The following STXBP5L variants were observed in gnomAD, a reference collection of about 807,000 sequenced individuals.
The protein encoded by STXBP5L is syntaxin-binding protein 5-like.
In STXBP5L, 65 loss-of-function variants were observed where a neutral mutation model predicts 144.5. The observed-to-expected ratio is 0.45, with a 90% CI of 0.37 to 0.55. STXBP5L has a LOEUF of 0.55. Among genes scored for constraint, STXBP5L ranks in the 20% least tolerant of loss-of-function variants. The pLI is 0.00. For synonymous variants in STXBP5L, 505 were observed against 469.6 expected (o/e 1.08, Z -0.97); for missense variants, 1,298 against 1,405.5 (o/e 0.92, Z 1.22).
intron 20 of STXBP5L, among the ~76,000 whole-genome samples, chr3:121,349,117 A>C (rs949513205): frequency 1.3e-5 from 2 of 152,052 alleles, no homozygotes; most frequent in Admixed American, 1.3e-4. Context: ...TTCCCTCTAC[A>C]CACTGCTTTA....
chr3:121,005,162 C>T (rs1241927997), intron 3 of STXBP5L, among the ~76,000 whole-genome samples: 6 of 152,116 alleles, frequency 3.9e-5, no homozygotes, highest in Admixed American at 2.0e-4. Flanking sequence ...TAGAATTTGG[C>T]TGTGAATCCA....
intron 5 of STXBP5L, among the ~76,000 whole-genome samples, chr3:121,070,792 G>A (rs930564251): frequency 6.6e-6 from 1 of 152,144 alleles, no homozygotes; most frequent in Non-Finnish European, 1.5e-5. Context: ...AAAATATATG[G>A]AGACAGGCCT....
chr3:121,343,774 C>T (rs568607931), intron 20 of STXBP5L, among the ~76,000 whole-genome samples: 10 of 152,246 alleles, frequency 6.6e-5, no homozygotes, highest in African/African-American at 2.2e-4. Flanking sequence ...GAAGAACATT[C>T]CATGCTCATG....
intron 3 of STXBP5L, among the ~76,000 whole-genome samples, chr3:121,022,585 G>T (rs953365385): frequency 2.0e-5 from 3 of 152,068 alleles, no homozygotes; most frequent in African/African-American, 4.8e-5. Flanking sequence ...TTCATACCAG[G>T]GATGCAGGCA....
chr3:121,242,617 T>A lies in STXBP5L; in HGVS notation c.1400+2110T>A, dbSNP rs143467110. 4.2e-3 allele frequency among the ~76,000 whole-genome samples: 635 copies of A among 152,160 alleles called. 2 individuals carry two copies. Among genetic ancestry groups the A allele is most frequent in the African/African-American group, 0.014 (597 of 41,530 alleles). The stretch of plus-strand genomic sequence containing the variant: ...AAACAGAAAAAATTATATGGTATAC[T>A]GAAGCCCTAATATATCAATAATTAT... On this transcript the variant is annotated intron_variant, in intron 14 of 26. Coordinates refer to ENST00000471454, the MANE Select transcript of STXBP5L (RefSeq NM_001308330.2).
intron 9 of STXBP5L, chr3:121,157,959 A>C (rs944694418): frequency 4.6e-6 from 1 of 215,114 alleles, no homozygotes; most frequent in East Asian, 1.5e-4. Flanking sequence ...CCAGTGAGAG[A>C]ATGGCACTAT....
chr3:121,065,159 G>A (rs955863376), intron 5 of STXBP5L, among the ~76,000 whole-genome samples: 1 of 151,992 alleles, frequency 6.6e-6, no homozygotes, highest in East Asian at 1.9e-4. Context: ...CACTTGGGTT[G>A]ATTCCATGTC....
rs759108072 is a variant in STXBP5L, at chr3:121,419,147, A to G, written c.*50A>G. The G allele has an allele frequency of 2.2e-5, 34 of 1,567,626 alleles. No individual in the cohort carries two copies. Among genetic ancestry groups the G allele is most frequent in the Non-Finnish European group, 2.5e-5 (29 of 1,148,318 alleles). On this transcript the variant is annotated 3_prime_UTR_variant, in exon 27 of 27. Transcript: ENST00000471454. ...TGAGAAACCATATTCAGGGAAACCA[A>G]ATTTATTCCCAGCATCACTACTCAA...
chr3:121,195,403 A>G (rs528366194), intron 9 of STXBP5L, among the ~76,000 whole-genome samples: 9 of 152,254 alleles, frequency 5.9e-5, no homozygotes, highest in African/African-American at 1.7e-4. Flanking sequence ...ATTAACATCC[A>G]TCGCGTCACA....
chr3:121,158,298 A>G (rs1454669926), intron 9 of STXBP5L: 3 of 152,288 alleles, frequency 2.0e-5, no homozygotes, highest in Admixed American at 1.3e-4. Flanking sequence ...TTTACCTCAT[A>G]TCATTGATTA....
intron 5 of STXBP5L, among the ~76,000 whole-genome samples, chr3:121,066,415 G>T (rs1358101243): frequency 6.6e-6 from 1 of 150,460 alleles, no homozygotes; most frequent in Non-Finnish European, 1.5e-5. Context: ...TTTAAATCAT[G>T]AATGGGTGTT....
At chr3:121,280,704 A>G (rs192567737) in intron 19 of STXBP5L, among the ~76,000 whole-genome samples, 1 of 152,014 alleles carries the variant, frequency 6.6e-6, no homozygotes, top group East Asian at 1.9e-4. Context: ...TCCAGTTGGT[A>G]AAAGAAAATT....
At chr3:121,231,070 C>T (rs2049292269) in intron 11 of STXBP5L, among the ~76,000 whole-genome samples, 1 of 152,146 alleles carries the variant, frequency 6.6e-6, no homozygotes, top group South Asian at 2.1e-4. Context: ...TAATGGGCAG[C>T]TTCTTTCTCT....
chr3:120,988,909 A>G (rs994697991), intron 3 of STXBP5L, among the ~76,000 whole-genome samples: 6 of 152,102 alleles, frequency 3.9e-5, no homozygotes, highest in East Asian at 1.9e-4. Flanking sequence ...AAGTGAGAAC[A>G]TGTGATATTT....
At chr3:120,962,899 A>G (rs556931844) in intron 3 of STXBP5L, among the ~76,000 whole-genome samples, 5 of 152,170 alleles carry the variant, frequency 3.3e-5, no homozygotes, top group Non-Finnish European at 5.9e-5. Context: ...GATTCTTCCT[A>G]TCCATGAGCA....
chr3:121,157,696 G>A (rs149745815), intron 9 of STXBP5L, 69 bp downstream of exon 9: 13 of 1,531,548 alleles, frequency 8.5e-6, no homozygotes, highest in African/African-American at 2.9e-5. Context: ...TAAGAGAGAT[G>A]GTATTAATGC....
chr3:120,917,352 A>G (rs550385906), intron 2 of STXBP5L, among the ~76,000 whole-genome samples: 33 of 152,338 alleles, frequency 2.2e-4, no homozygotes, highest in African/African-American at 7.7e-4. Context: ...GAGTAGAAGT[A>G]GGGGAGATGT....
At chr3:121,340,349 A>C (rs2044662889) in intron 20 of STXBP5L, among the ~76,000 whole-genome samples, 1 of 151,978 alleles carries the variant, frequency 6.6e-6, no homozygotes, top group African/African-American at 2.4e-5. Flanking sequence ...TTTAAATTAT[A>C]CTTTAAGTTC....
intron 20 of STXBP5L, among the ~76,000 whole-genome samples, chr3:121,341,911 TAA>T (rs2044727387): frequency 6.6e-6 from 1 of 152,004 alleles, no homozygotes; most frequent in Non-Finnish European, 1.5e-5. Flanking sequence ...AAAAAATGAA[TAA>T]GACTAGTATT....
Sources: gnomAD v4.1 joint callset for allele counts (sites outside exome capture counted in the v4.1 genomes callset) on GRCh38, gnomAD v4.1.1 for gene constraint, MANE v1.5 for transcripts, NCBI Gene and HGNC (gene_info 2026-07-23, HGNC 2026-07-21) for gene names.